KLK1: variants seen among roughly 807,000 people sequenced by gnomAD.
KLK1 encodes kallikrein 1, also known as kallikrein-1.
In KLK1, 22 loss-of-function variants were observed where a neutral mutation model predicts 23.3. The observed-to-expected ratio is 0.95, with a 90% CI of 0.68 to 1.35. The LOEUF (loss-of-function observed/expected upper bound fraction) is 1.35. Among genes scored for constraint, KLK1 ranks in the 40% most tolerant of loss-of-function variants. The probability of loss-of-function intolerance (pLI) is 0.00; values close to 1 mark genes in which losing one functional copy is unlikely to be tolerated. For synonymous variants in KLK1, 140 were observed against 135.8 expected (o/e 1.03, Z -0.21); for missense variants, 301 against 338.9 (o/e 0.89, Z 0.88).
At position 50,822,550 on chromosome 19, in the gene KLK1, C is replaced by T. The variant is rs10420205; in HGVS notation, c.47-679G>A. The T allele has an allele frequency of 1.9e-3, 1,861 of 985,220 alleles. 34 individuals carry two copies. In the African/African-American group the frequency reaches 0.029, roughly 16 times the overall value. 61.0% of individuals were successfully genotyped at this position (985,220 alleles called of 1,614,324 possible). On this transcript the variant is annotated intron_variant, in intron 1 of 4. Coordinates refer to ENST00000301420, the MANE Select transcript of KLK1 (RefSeq NM_002257.4). ...ATGGTTAAGGCTAGAGGTGGGCTTCCGAGAGGTTTTGGGGTCCTTCCTGTG... is the reference window on the plus strand; with the variant it reads ...ATGGTTAAGGCTAGAGGTGGGCTTCTGAGAGGTTTTGGGGTCCTTCCTGTG...
intron 2 of KLK1, 60 bp from the exon 3 acceptor site, chr19:50,820,503 G>GTT: frequency 1.1e-6 from 1 of 922,050 alleles, no homozygotes; most frequent in Non-Finnish European, 1.6e-6. Context: ...GGATGGGGCA[G>GTT]GGGAGCATGG....
Position 50,819,952 on chromosome 19 carries a change from T to A in KLK1, c.580A>T (p.Thr194Ser). 1 of 1,614,102 alleles carries A rather than the reference T, an allele frequency of 6.2e-7. No individual in the cohort carries two copies. Among genetic ancestry groups the A allele is most frequent in the Non-Finnish European group, 8.5e-7 (1 of 1,179,918 alleles). Residue 194 changes from threonine (T) to serine (S), a missense_variant, in exon 4 of 5, where the codon ACA becomes TCA. Coordinates refer to ENST00000301420, the MANE Select transcript of KLK1 (RefSeq NM_002257.4). ...ECKKAHVQKV[T>S]DFMLCVGHLE... The stretch of plus-strand genomic sequence containing the variant: ...TGTCCGACACACAGCATGAAGTCTG[T>A]CACCTTCTGGACGTGGGCTTTTTTG...
intron 1 of KLK1, chr19:50,822,899 C>T (rs945529064): frequency 6.1e-5 from 60 of 985,192 alleles, no homozygotes; most frequent in Middle Eastern, 5.2e-4. Context: ...AGGGCAGAAG[C>T]GCTGGCTGAG....
Position 50,820,229 on chromosome 19 carries a change from C to G in KLK1, c.421G>C (p.Glu141Gln). The G allele has an allele frequency of 8.1e-6, 13 of 1,613,158 alleles. No individual in the cohort carries two copies. The highest frequency in any genetic ancestry group is 1.1e-5 in the Non-Finnish European group (13 of 1,179,268). Residue 141 changes from glutamate (E) to glutamine (Q), a missense_variant, in exon 3 of 5, where the codon GAG (glutamate) becomes CAG (glutamine). Transcript: ENST00000301420. ...DTITDAVKVV[E>Q]LPTEEPEVGS... ...ACTTCGGGTTCCTCGGTGGGCAACTCCACGACCTTCACAGCATCTGTGATG... is the reference window on the plus strand; with the variant it reads ...ACTTCGGGTTCCTCGGTGGGCAACTGCACGACCTTCACAGCATCTGTGATG...
In KLK1 at chr19:50,819,910, CTT is replaced by C. The variant is rs1274863678; in HGVS notation, c.620_621del (p.Lys207ArgfsTer6). ...CAGGGCTGCCTCACCACACAGGTGT[CTT>C]TGCCACCTTCCAGGTGTCCGACACA... ...MLCVGHLEGG[K>X]DTCVGDSGGP... On this transcript the variant is annotated frameshift_variant, in exon 4 of 5. Coordinates refer to ENST00000301420, the MANE Select transcript of KLK1 (RefSeq NM_002257.4). LOFTEE classifies it low-confidence loss of function (END_TRUNC). The C allele has an allele frequency of 6.2e-7, 1 of 1,614,176 alleles. No individual in the cohort carries two copies.
At chr19:50,819,843 A>C in intron 4 of KLK1, 56 bp downstream of exon 4, 1 of 1,574,516 alleles carries the variant, frequency 6.4e-7, no homozygotes, top group Admixed American at 1.8e-5. Context: ...AAGCCAGTTC[A>C]GAGGCTGAGT....
At chr19:50,819,391 G>A (rs751511495) in intron 4 of KLK1, 42 bp from the exon 5 acceptor site, 68 of 1,564,214 alleles carry the variant, frequency 4.3e-5, no homozygotes, top group African/African-American at 5.4e-5. Context: ...AAAGGTCTAC[G>A]GGGCCCAAGT....
chr19:50,819,210 AT>A lies in KLK1; in HGVS notation c.772del (p.Ile258Ter), dbSNP rs758755227. The A allele has an allele frequency of 1.9e-6, 3 of 1,613,538 alleles. No homozygotes were observed. Among genetic ancestry groups the A allele is most frequent in the Non-Finnish European group, 2.5e-6 (3 of 1,179,660 alleles). On this transcript the variant is annotated frameshift_variant, in exon 5 of 5. Coordinates refer to ENST00000301420, the MANE Select transcript of KLK1 (RefSeq NM_002257.4). LOFTEE classifies it high-confidence loss of function. ...GCTGGGCGTTCAGGAGTTCTCCGCT[AT>A]GGTGTCCTCGATCCACTTCACATAA... ...LSYVKWIEDTIAENS is the reference protein window; with the variant it reads ...LSYVKWIEDTXAENS
rs1355307091 is a variant in KLK1, at chr19:50,820,377, A to C, written c.273T>G (p.His91Gln). The stretch of plus-strand genomic sequence containing the variant: ...CAGGGTGTGGGAAGCTCTCACTGAC[A>C]TGAACAAACTGGGCTGTGTTTTCGT... ...FDDENTAQFV[H>Q]VSESFPHPGF... Residue 91 changes from histidine (H) to glutamine (Q), a missense_variant, in exon 3 of 5, where the codon CAT becomes CAG. Transcript: ENST00000301420. 1.2e-6 allele frequency: 2 copies of C among 1,613,832 alleles called. No individual in the cohort carries two copies. The highest frequency in any genetic ancestry group is 1.7e-6 in the Non-Finnish European group (2 of 1,179,976).
chr19:50,823,412 G>T (rs1159067976), intron 1 of KLK1, among the ~76,000 whole-genome samples: 1 of 152,116 alleles, frequency 6.6e-6, no homozygotes, highest in African/African-American at 2.4e-5. Context: ...CTTTGGTAAA[G>T]CGGTGGGACA....
intron 1 of KLK1, 141 bp downstream of exon 1, chr19:50,823,562 G>A (rs1042399755): frequency 1.1e-5 from 6 of 533,032 alleles, no homozygotes; most frequent in Non-Finnish European, 2.0e-5. Flanking sequence ...GATAAGAGCC[G>A]GGGCACCCCG....
chr19:50,822,589 A>G lies in KLK1; in HGVS notation c.47-718T>C, dbSNP rs774826028. 4 of 985,290 alleles carry G rather than the reference A, an allele frequency of 4.1e-6. No homozygotes were observed. The South Asian group carries it at 1.9e-4, about 46-fold the overall frequency. The allele number at this position is 985,290 out of a possible 1,614,324, so 61.0% of individuals were successfully genotyped here. A position where few individuals can be genotyped will look rare whatever the true frequency, so the allele number is the denominator to read the frequency against. ...GTCCTTCCTGTGAACCAGGAATGGCAATCTGAGGGGAGGTTGGGGCCCTGA... is the reference window on the plus strand; with the variant it reads ...GTCCTTCCTGTGAACCAGGAATGGCGATCTGAGGGGAGGTTGGGGCCCTGA... On this transcript the variant is annotated intron_variant, in intron 1 of 4. Coordinates refer to ENST00000301420, the MANE Select transcript of KLK1 (RefSeq NM_002257.4).
intron 1 of KLK1, chr19:50,822,434 T>C (rs2089834050): frequency 1.0e-6 from 1 of 985,568 alleles, no homozygotes; most frequent in Non-Finnish European, 1.2e-6. Flanking sequence ...TGGGGGTGAC[T>C]TGGGGTCCCT....
At chr19:50,822,014 G>C in intron 1 of KLK1, 143 bp from the exon 2 acceptor site, 1 of 1,433,420 alleles carries the variant, frequency 7.0e-7, no homozygotes, top group South Asian at 1.5e-5. Context: ...TGGGCAAGGG[G>C]TGTTGGGAAG....
intron 1 of KLK1, chr19:50,822,628 G>T: frequency 1.0e-6 from 1 of 985,028 alleles, no homozygotes; most frequent in East Asian, 1.1e-4. Flanking sequence ...CACAGTTGCG[G>T]TCAGGACTGG....
Position 50,820,447 on chromosome 19 carries a change from G to A in KLK1, c.207-4C>T. The A allele has an allele frequency of 6.3e-7, 1 of 1,590,932 alleles. No individual in the cohort carries two copies. Among genetic ancestry groups the A allele is most frequent in the Non-Finnish European group, 8.6e-7 (1 of 1,166,252 alleles). On this transcript the variant is annotated splice_region_variant and splice_polypyrimidine_tract_variant and intron_variant, in intron 2 of 4. Transcript: ENST00000301420. ...ACCCAGCCAGAGCTGGTAATTGCTG[G>A]GGAAAGATGGGAATGGAGGGATGAG...
rs1038442212 is a variant in KLK1, at chr19:50,821,467, G to A, written c.206+245C>T. ...CAGAGACAAGGAGACAGAGGAGAGA[G>A]AGGAAGACAGAGACCAGAACACAGT... On this transcript the variant is annotated intron_variant, in intron 2 of 4. Transcript: ENST00000301420. The surrounding 1 kb of genome is among the most constrained non-coding windows in gnomAD (Gnocchi z 5.6). 1.3e-5 allele frequency among the ~76,000 whole-genome samples: 2 copies of A among 152,052 alleles called. No individual in the cohort carries two copies. Among genetic ancestry groups the A allele is most frequent in the Non-Finnish European group, 2.9e-5 (2 of 68,002 alleles).
rs2089828322 is a variant in KLK1, at chr19:50,821,504, A to G, written c.206+208T>C. 1.3e-5 allele frequency among the ~76,000 whole-genome samples: 2 copies of G among 152,044 alleles called. No homozygotes were observed. Among genetic ancestry groups the G allele is most frequent in the South Asian group, 4.1e-4 (2 of 4,824 alleles). On this transcript the variant is annotated intron_variant, in intron 2 of 4. Transcript: ENST00000301420. This position sits in a 1 kb window ranked among gnomAD's most constrained non-coding sequence, Gnocchi z 5.6. ...GACCAGAACACAGTCACACAGAGAC[A>G]CAAGCAGAACCAGATCCCAAGAGAC...
chr19:50,820,679 A>C, intron 2 of KLK1: 1 of 419,510 alleles, frequency 2.4e-6, no homozygotes, highest in East Asian at 4.1e-5. Context: ...GCTCAAAAGG[A>C]CAGAGGGGTG....
Sources: gnomAD v4.1 joint callset for allele counts (sites outside exome capture counted in the v4.1 genomes callset) on GRCh38, gnomAD v4.1.1 for gene constraint, Gnocchi (gnomAD v3.1) non-coding constraint, MANE v1.5 for transcripts, NCBI Gene and HGNC (gene_info 2026-07-23, HGNC 2026-07-21) for gene names.